KIF3B: variants seen among roughly 807,000 people sequenced by gnomAD.
The protein encoded by KIF3B is kinesin-like protein KIF3B.
KIF3B carries 38 observed loss-of-function variants against 74.3 expected under a neutral mutation model. The ratio of observed to expected loss-of-function variants is 0.51; its 90% CI spans 0.39 to 0.67. The LOEUF (loss-of-function observed/expected upper bound fraction) is 0.67, where lower values mean the gene tolerates loss of function less well. KIF3B is among the 30% of genes least tolerant of loss of function. The pLI, the probability that KIF3B is intolerant of heterozygous loss-of-function variation, is 0.00. For synonymous variants in KIF3B, 326 were observed against 342.5 expected, an observed-to-expected ratio of 0.95 and a Z score of 0.53; for missense variants, 649 against 932.0, an observed-to-expected ratio of 0.70 and a Z score of 3.95.
At position 32,291,058 on chromosome 20, in the gene KIF3B, C is replaced by G. The variant is rs186071330; in HGVS notation, c.-66+13293C>G. Among the ~76,000 whole-genome samples the G allele has an allele frequency of 6.4e-4, 97 of 151,988 alleles. 1 individual carries two copies. Among genetic ancestry groups the G allele is most frequent in the Admixed American group, 2.2e-3 (34 of 15,256 alleles). On this transcript the variant is annotated intron_variant, in intron 1 of 8. Coordinates refer to ENST00000375712, the MANE Select transcript of KIF3B (RefSeq NM_004798.4). The stretch of plus-strand genomic sequence containing the variant: ...TTATGATTCCACTTATCCGAGGTAG[C>G]TAGAGTAGACAAAATCATGGAAACA...
chr20:32,333,646 A>AC lies in KIF3B; in HGVS notation c.*2327_*2328insC, dbSNP rs2047941558. On this transcript the variant is annotated 3_prime_UTR_variant, in exon 9 of 9. Coordinates refer to ENST00000375712, the MANE Select transcript of KIF3B (RefSeq NM_004798.4). Reference sequence around the variant, plus strand: ...AGACTCCCCCTCAAAAAAAAAAAAAAAAAAAAAAAAAACAGAAAGAAAGAA... The same window carrying AC: ...AGACTCCCCCTCAAAAAAAAAAAAAACAAAAAAAAAAAACAGAAAGAAAGAA... 6.6e-6 allele frequency: 1 copy of AC among 151,158 alleles called. No individual in the cohort carries two copies. Among genetic ancestry groups the AC allele is most frequent in the African/African-American group, 2.4e-5 (1 of 41,004 alleles). The allele number at this position is 151,158 out of a possible 1,614,324, so 9.4% of individuals were successfully genotyped here. A position where few individuals can be genotyped will look rare whatever the true frequency, so the allele number is the denominator to read the frequency against.
At chr20:32,283,742 G>A (rs1231186318) in intron 1 of KIF3B, among the ~76,000 whole-genome samples, 3 of 151,878 alleles carry the variant, frequency 2.0e-5, no homozygotes, top group Non-Finnish European at 4.4e-5. Context: ...CCTAGGAAGC[G>A]GAGGTTGCAG....
intron 5 of KIF3B, among the ~76,000 whole-genome samples, chr20:32,318,090 C>T (rs1468916461): frequency 2.6e-5 from 4 of 151,984 alleles, no homozygotes; most frequent in Admixed American, 2.6e-4. Flanking sequence ...TCACCTGAGG[C>T]CAGGAGTTCA....
intron 1 of KIF3B, among the ~76,000 whole-genome samples, chr20:32,282,567 T>C (rs2047647986): frequency 6.6e-6 from 1 of 152,204 alleles, no homozygotes; most frequent in Admixed American, 6.5e-5. Context: ...AGTCCTGCTT[T>C]TCTACAGTCT....
At chr20:32,287,462 C>T (rs2047672518) in intron 1 of KIF3B, among the ~76,000 whole-genome samples, 1 of 151,392 alleles carries the variant, frequency 6.6e-6, no homozygotes, top group South Asian at 2.1e-4. Flanking sequence ...GCCAGGGCCA[C>T]AGGTGCGTGC....
rs917709897 is a variant in KIF3B, at chr20:32,291,276, T to G, written c.-66+13511T>G. Reference sequence around the variant, plus strand: ...TATGTGGGGTTTTTTACTGTAATTTTAAAAAAATTTTAAATGATAAGCCAT... The same window carrying G: ...TATGTGGGGTTTTTTACTGTAATTTGAAAAAAATTTTAAATGATAAGCCAT... On this transcript the variant is annotated intron_variant, in intron 1 of 8. Transcript: ENST00000375712. Among the ~76,000 whole-genome samples the G allele has an allele frequency of 2.6e-5, 4 of 152,276 alleles. No individual in the cohort carries two copies. The East Asian group carries it at 7.7e-4, about 29-fold the overall frequency.
chr20:32,289,471 C>T (rs904313725), intron 1 of KIF3B, among the ~76,000 whole-genome samples: 10 of 152,106 alleles, frequency 6.6e-5, no homozygotes, highest in Admixed American at 3.3e-4. Context: ...GGACTACAGG[C>T]GGGAGCCACC....
Position 32,313,781 on chromosome 20 carries a change from C to G in KIF3B, c.1405-2437C>G, listed in dbSNP as rs2047813305. Among the ~76,000 whole-genome samples the G allele has an allele frequency of 1.3e-5, 2 of 152,154 alleles. 1 individual carries two copies. The highest frequency in any genetic ancestry group is 4.1e-4 in the South Asian group (2 of 4,830). ...GGAGTGCAGTGGCGTGATCTTGGCT[C>G]ACTGCAGCCTTGACCTCCCAGGCTC... is the stretch of plus-strand genomic sequence containing the variant. On this transcript the variant is annotated intron_variant, in intron 2 of 8. Coordinates refer to ENST00000375712, the MANE Select transcript of KIF3B (RefSeq NM_004798.4).
chr20:32,301,157 G>A (rs2047742198), intron 1 of KIF3B, among the ~76,000 whole-genome samples: 3 of 136,324 alleles, frequency 2.2e-5, no homozygotes, highest in South Asian at 4.9e-4. Flanking sequence ...GCGCAATCTC[G>A]GCTCACTGCA....
chr20:32,316,702 G>A, intron 4 of KIF3B, 53 bp downstream of exon 4: 2 of 1,613,640 alleles, frequency 1.2e-6, no homozygotes, highest in East Asian at 2.2e-5. Context: ...GGGAAAGGGA[G>A]AACTCTACCC....
In KIF3B at chr20:32,332,878, A is replaced by T. The variant is rs906347192; in HGVS notation, c.*1559A>T. 3 of 152,570 alleles carry T rather than the reference A, an allele frequency of 2.0e-5. No individual in the cohort carries two copies. The highest frequency in any genetic ancestry group is 7.2e-5 in the African/African-American group (3 of 41,418). 9.5% of individuals were successfully genotyped at this position (152,570 alleles called of 1,614,324 possible). A position where few individuals can be genotyped will look rare whatever the true frequency, so the allele number is the denominator to read the frequency against. On this transcript the variant is annotated 3_prime_UTR_variant, in exon 9 of 9. Coordinates refer to ENST00000375712, the MANE Select transcript of KIF3B (RefSeq NM_004798.4). ...GAGTCCATGAGCCAAGCCTGAGGGG[A>T]CAGTGAGTCTCCAGGTCTGCCACAC...
chr20:32,333,752 A>G lies in KIF3B; in HGVS notation c.*2433A>G, dbSNP rs2047942595. On this transcript the variant is annotated 3_prime_UTR_variant, in exon 9 of 9. Transcript: ENST00000375712. ...CTGACCAAGGGTGGTTAAGTGACAC[A>G]TAGAACTTTTCTAAGAGAAGACAGA... The G allele has an allele frequency of 6.6e-6, 1 of 152,180 alleles. No individual in the cohort carries two copies. Among genetic ancestry groups the G allele is most frequent in the African/African-American group, 2.4e-5 (1 of 41,420 alleles). 9.4% of individuals were successfully genotyped at this position (152,180 alleles called of 1,614,324 possible). A position where few individuals can be genotyped will look rare whatever the true frequency, so the allele number is the denominator to read the frequency against.
chr20:32,319,969 ACTGCAGCCT>A (rs2047851135), intron 5 of KIF3B, among the ~76,000 whole-genome samples: 1 of 151,648 alleles, frequency 6.6e-6, no homozygotes, highest in South Asian at 2.1e-4. Flanking sequence ...ATCTTAGCTC[ACTGCAGCCT>A]CTGCCTCCTG....
intron 2 of KIF3B, among the ~76,000 whole-genome samples, chr20:32,315,089 CCT>C (rs2047820558): frequency 6.6e-6 from 1 of 152,214 alleles, no homozygotes; most frequent in Non-Finnish European, 1.5e-5. Context: ...CTAGCCCAGG[CCT>C]AGACCCCTGC....
At chr20:32,288,331 A>G (rs1051858396) in intron 1 of KIF3B, among the ~76,000 whole-genome samples, 1 of 152,176 alleles carries the variant, frequency 6.6e-6, no homozygotes, top group Non-Finnish European at 1.5e-5. Flanking sequence ...TATACAAAAC[A>G]TATGAAAATT....
intron 1 of KIF3B, 111 bp downstream of exon 1, chr20:32,277,876 C>T (rs13433240): frequency 2.5e-5 from 4 of 160,628 alleles, no homozygotes; most frequent in African/African-American, 4.8e-5. Flanking sequence ...TCCCGCGAGC[C>T]GGAGCATCCT....
At chr20:32,292,056 C>T (rs2047694144) in intron 1 of KIF3B, among the ~76,000 whole-genome samples, 2 of 152,212 alleles carry the variant, frequency 1.3e-5, no homozygotes, top group East Asian at 1.9e-4. Flanking sequence ...CCAACTTAGC[C>T]TCCTGAGTAG....
chr20:32,294,405 T>A (rs190611767), intron 1 of KIF3B, among the ~76,000 whole-genome samples: 5 of 152,316 alleles, frequency 3.3e-5, no homozygotes, highest in Admixed American at 2.0e-4. Context: ...ATCAAAGTTC[T>A]GGACTTTTCT....
chr20:32,298,220 G>C (rs2047725675), intron 1 of KIF3B, among the ~76,000 whole-genome samples: 1 of 152,010 alleles, frequency 6.6e-6, no homozygotes, highest in Non-Finnish European at 1.5e-5. Flanking sequence ...TGGGTCACTT[G>C]AGGCTGGGAG....
Sources: gnomAD v4.1 joint callset for allele counts (sites outside exome capture counted in the v4.1 genomes callset) on GRCh38, gnomAD v4.1.1 for gene constraint, MANE v1.5 for transcripts, NCBI Gene and HGNC (gene_info 2026-07-23, HGNC 2026-07-21) for gene names.